Variants in EBF1 observed in about 807,000 individuals in gnomAD.
EBF1 encodes EBF transcription factor 1, also known as transcription factor COE1.
A neutral mutation model predicts 68.4 loss-of-function variants in EBF1; 10 were observed. The ratio of observed to expected loss-of-function variants is 0.15; its 90% CI spans 0.09 to 0.25. The LOEUF (loss-of-function observed/expected upper bound fraction) is 0.25. Ranked by LOEUF, EBF1 falls within the 10% of genes least tolerant of loss-of-function variation. EBF1 has a pLI of 1.00. For missense variants in EBF1, 509 were observed against 794.4 expected (o/e 0.64, Z 4.32); for synonymous variants, 298 against 299.8 (o/e 0.99, Z 0.06).
chr5:158,878,736 C>T (rs566796692), intron 6 of EBF1, among the ~76,000 whole-genome samples: 1 of 151,834 alleles, frequency 6.6e-6, no homozygotes, highest in African/African-American at 2.4e-5. Flanking sequence ...CTCCGCCTCC[C>T]GGGTTCAAGT....
intron 6 of EBF1, among the ~76,000 whole-genome samples, chr5:158,911,767 G>T (rs2127364895): frequency 6.6e-6 from 1 of 152,320 alleles, no homozygotes; most frequent in East Asian, 1.9e-4. Flanking sequence ...ACTGTGAGCT[G>T]AGAATCTCAG....
intron 10 of EBF1, among the ~76,000 whole-genome samples, chr5:158,739,265 G>A (rs996499360): frequency 3.3e-5 from 5 of 152,162 alleles, no homozygotes; most frequent in African/African-American, 1.2e-4. Context: ...TCTTGCCCTG[G>A]AGGGCTATAC....
chr5:158,840,247 A>G (rs1204117172), intron 6 of EBF1, 137 bp from the exon 7 acceptor site: 1 of 649,842 alleles, frequency 1.5e-6, no homozygotes, highest in Non-Finnish European at 2.7e-6. Context: ...GTTAGAGCCA[A>G]TATTTCATTT....
At chr5:158,741,026 C>T (rs1373921267) in intron 10 of EBF1, among the ~76,000 whole-genome samples, 2 of 152,150 alleles carry the variant, frequency 1.3e-5, no homozygotes, top group Non-Finnish European at 2.9e-5. Context: ...CTTAGTAGGA[C>T]ATACATATTT....
chr5:159,033,204 G>A (rs7734385), intron 6 of EBF1, among the ~76,000 whole-genome samples: 51,873 of 152,090 alleles, frequency 0.34, 9,833 homozygotes, highest in Non-Finnish European at 0.42. Context: ...ACGTTTACCC[G>A]CTTTGCAGCC....
rs1783225847 is a variant in EBF1 at position 159,099,331 on chromosome 5, C to T, written c.134+14G>A. ...CGCGGCTCACCTCGGCCGCGGTCCC[C>T]GCGCAGTACCCACCTCTGCGCCGCC... On this transcript the variant is annotated intron_variant, in intron 1 of 15. Transcript: ENST00000313708. 6.5e-7 allele frequency: 1 copy of T among 1,540,656 alleles called. No individual in the cohort carries two copies. Among genetic ancestry groups the T allele is most frequent in the African/African-American group, 1.4e-5 (1 of 70,236 alleles).
At chr5:158,893,118 GA>G (rs1359842849) in intron 6 of EBF1, among the ~76,000 whole-genome samples, 2 of 152,088 alleles carry the variant, frequency 1.3e-5, no homozygotes, top group Non-Finnish European at 2.9e-5. Context: ...GAACTTCTTT[GA>G]AAATCCACAT....
At chr5:158,817,318 T>C (rs1783957986) in intron 8 of EBF1, among the ~76,000 whole-genome samples, 1 of 152,206 alleles carries the variant, frequency 6.6e-6, no homozygotes, top group Admixed American at 6.5e-5. Flanking sequence ...CTAAAATTCA[T>C]GTTGAAATGT....
Position 158,823,315 on chromosome 5 carries a change from G to T in EBF1, c.639C>A (p.Val213=). The change falls in exon 8 of 16, where the codon GTC becomes GTA. Residue 213 remains valine (V), a splice_region_variant and synonymous_variant. Transcript: ENST00000313708. ...GNPRDMRRFQ[V]VVSTTVNVDG... is the part of the protein sequence containing the mutation. ...CCACATTGACTGTCGTAGACACCAC[G>T]ACCTGGAGACATAAGAAAGAAATGA... The T allele has an allele frequency of 1.9e-6, 3 of 1,603,986 alleles. No individual in the cohort carries two copies. Among genetic ancestry groups the T allele is most frequent in the Non-Finnish European group, 2.6e-6 (3 of 1,175,286 alleles).
At chr5:158,964,827 T>A (rs968095500) in intron 6 of EBF1, among the ~76,000 whole-genome samples, 2 of 152,220 alleles carry the variant, frequency 1.3e-5, no homozygotes, top group African/African-American at 2.4e-5. Flanking sequence ...ATTTTTTACT[T>A]GACACATGAT....
intron 7 of EBF1, among the ~76,000 whole-genome samples, chr5:158,832,738 C>T (rs548051176): frequency 4.3e-4 from 66 of 152,258 alleles, no homozygotes; most frequent in Admixed American, 2.2e-3. Flanking sequence ...CTAAAACATA[C>T]GGATCCAGAG....
chr5:159,077,406 C>A (rs1364498368), intron 5 of EBF1, among the ~76,000 whole-genome samples: 1 of 152,100 alleles, frequency 6.6e-6, no homozygotes, highest in Non-Finnish European at 1.5e-5. Context: ...GCCATTCCAG[C>A]CTGGGTGACA....
chr5:158,757,886 T>C (rs1373983876), intron 10 of EBF1, among the ~76,000 whole-genome samples: 1 of 152,152 alleles, frequency 6.6e-6, no homozygotes, highest in African/African-American at 2.4e-5. Flanking sequence ...GCTTTGTTCA[T>C]TCAGCAAGCA....
intron 6 of EBF1, among the ~76,000 whole-genome samples, chr5:158,849,125 G>A (rs1481885651): frequency 6.6e-6 from 1 of 152,152 alleles, no homozygotes; most frequent in African/African-American, 2.4e-5. Flanking sequence ...AAATTCCCAG[G>A]AAAACTTTTG....
At chr5:158,707,630 G>C in intron 15 of EBF1, 1 of 298,660 alleles carries the variant, frequency 3.3e-6, no homozygotes, top group South Asian at 9.1e-5. Flanking sequence ...GTCCACAAAA[G>C]ACTGATCTGA....
intron 6 of EBF1, among the ~76,000 whole-genome samples, chr5:158,920,019 A>T (rs961509113): frequency 1.3e-5 from 2 of 152,216 alleles, no homozygotes; most frequent in African/African-American, 4.8e-5. Flanking sequence ...CCACAATAAA[A>T]ATAACAATAA....
At chr5:158,759,972 C>T (rs151000779) in intron 10 of EBF1, among the ~76,000 whole-genome samples, 2 of 152,170 alleles carry the variant, frequency 1.3e-5, no homozygotes, top group Non-Finnish European at 2.9e-5. Flanking sequence ...TTCCTCAATA[C>T]TACTTGTAAG....
intron 10 of EBF1, among the ~76,000 whole-genome samples, chr5:158,751,587 C>T (rs1402048230): frequency 1.3e-5 from 2 of 152,040 alleles, no homozygotes; most frequent in Non-Finnish European, 2.9e-5. Flanking sequence ...GACGGTCTGG[C>T]CAGGTTCCTC....
chr5:158,975,808 A>G (rs899967647), intron 6 of EBF1, among the ~76,000 whole-genome samples: 5 of 152,200 alleles, frequency 3.3e-5, no homozygotes, highest in South Asian at 4.1e-4. Flanking sequence ...AGAATTCACA[A>G]ATCTCTACTT....
Sources: allele counts gnomAD v4.1 joint callset (sites outside exome capture counted in the v4.1 genomes callset), GRCh38; gene constraint gnomAD v4.1.1; transcripts MANE v1.5; gene names NCBI Gene and HGNC (gene_info 2026-07-23, HGNC 2026-07-21).